The following SUGP1 variants were observed in gnomAD, a reference collection of about 807,000 sequenced individuals.
SUGP1 encodes the protein SURP and G-patch domain-containing protein 1.
In SUGP1, 34 loss-of-function variants were observed where a neutral mutation model predicts 76.5. The observed-to-expected ratio is 0.44, with a 90% CI of 0.34 to 0.59. SUGP1 has a LOEUF of 0.59. SUGP1 is among the 20% of genes least tolerant of loss of function. SUGP1 has a pLI of 0.01. For missense variants in SUGP1, 752 were observed against 851.7 expected, an observed-to-expected ratio of 0.88 and a Z score of 1.46; for synonymous variants, 326 against 326.2, an observed-to-expected ratio of 1.00 and a Z score of 0.01.
At chr19:19,277,667 G>A in intron 12 of SUGP1, 67 bp downstream of exon 12, 1 of 1,575,310 alleles carries the variant, frequency 6.3e-7, no homozygotes, top group South Asian at 1.1e-5. Flanking sequence ...GGGTGGGAAT[G>A]GGGAGGCGGC....
At chr19:19,285,655 TCC>T (rs2061133872) in intron 8 of SUGP1, among the ~76,000 whole-genome samples, 1 of 152,106 alleles carries the variant, frequency 6.6e-6, no homozygotes, top group Non-Finnish European at 1.5e-5. Context: ...AGCCTCAATC[TCC>T]CAGGCTCAAG....
chr19:19,297,423 C>A, intron 7 of SUGP1, 79 bp from the exon 8 acceptor site: 1 of 1,198,900 alleles, frequency 8.3e-7, no homozygotes, highest in Non-Finnish European at 1.2e-6. Context: ...GCAGTTCTGG[C>A]CTTGTGTGCC....
At chr19:19,319,275 G>GT (rs2146635681) in intron 1 of SUGP1, among the ~76,000 whole-genome samples, 1 of 152,154 alleles carries the variant, frequency 6.6e-6, no homozygotes, top group Admixed American at 6.6e-5. Flanking sequence ...CCGCCAGATG[G>GT]TTCCCCTCCC....
chr19:19,276,395 G>T lies in SUGP1; in HGVS notation c.*253C>A. ...AAAACAACTTTCTTCCTCCCCTCCA[G>T]TGCAACCCAGGCTGAGCGGGGATGG... is the stretch of plus-strand genomic sequence containing the variant. On this transcript the variant is annotated 3_prime_UTR_variant, in exon 14 of 14. Coordinates refer to ENST00000247001, the MANE Select transcript of SUGP1 (RefSeq NM_172231.4). 1 of 489,986 alleles carries T rather than the reference G, an allele frequency of 2.0e-6. No individual in the cohort carries two copies. Among genetic ancestry groups the T allele is most frequent in the Admixed American group, 3.5e-5 (1 of 28,404 alleles). 30.4% of individuals were successfully genotyped at this position (489,986 alleles called of 1,614,324 possible).
Position 19,320,469 on chromosome 19 carries a change from C to T in SUGP1, c.28G>A (p.Val10Ile), listed in dbSNP as rs1170881341. Residue 10 changes from valine (V) to isoleucine (I), a missense_variant, in exon 1 of 14, where the codon GTT becomes ATT. Val to Ile is a conservative substitution (Grantham distance 29). This residue lies in a region of SUGP1 where 620 missense variants were observed against 617.3 expected (regional missense o/e 1.00). Transcript: ENST00000247001. MSLKMDNRD[V>I]AGKANRWFGV... is the part of the protein sequence containing the mutation. ...AGGAGGCGGGGGCTGTTACCTGCAA[C>T]ATCCCGGTTGTCCATCTTGAGACTC... 21 of 1,610,702 alleles carry T rather than the reference C, an allele frequency of 1.3e-5. No homozygotes were observed. Among genetic ancestry groups the T allele is most frequent in the South Asian group, 2.2e-5 (2 of 89,854 alleles).
intron 2 of SUGP1, among the ~76,000 whole-genome samples, chr19:19,314,828 A>G (rs1293721985): frequency 2.6e-5 from 4 of 151,830 alleles, no homozygotes; most frequent in Non-Finnish European, 4.4e-5. Context: ...TGAGGTCAGG[A>G]GTTTGAGACC....
At chr19:19,287,852 A>C (rs1436940137) in intron 8 of SUGP1, among the ~76,000 whole-genome samples, 1 of 152,186 alleles carries the variant, frequency 6.6e-6, no homozygotes, top group African/African-American at 2.4e-5. Context: ...ATTTTTAGGG[A>C]AATGAAAAAG....
chr19:19,314,328 A>T (rs1160028921), intron 2 of SUGP1, among the ~76,000 whole-genome samples: 3 of 151,622 alleles, frequency 2.0e-5, no homozygotes, highest in African/African-American at 4.8e-5. Context: ...TCTCAAAAAT[A>T]AATAAATTAA....
chr19:19,292,953 C>G (rs2061197325), intron 8 of SUGP1, among the ~76,000 whole-genome samples: 4 of 151,996 alleles, frequency 2.6e-5, no homozygotes, highest in African/African-American at 4.8e-5. Flanking sequence ...GTTGCCCAGG[C>G]TGGAGTGCAG....
chr19:19,317,808 CTTTT>C (rs781257871), intron 1 of SUGP1, among the ~76,000 whole-genome samples: 3 of 110,588 alleles, frequency 2.7e-5, no homozygotes, highest in Admixed American at 1.0e-4. Context: ...GCCCCAGTGG[CTTTT>C]TTTTTTTTTT....
intron 7 of SUGP1, 44 bp from the exon 8 acceptor site, chr19:19,297,388 G>A (rs765568938): frequency 8.0e-7 from 1 of 1,245,200 alleles, no homozygotes; most frequent in Non-Finnish European, 1.1e-6. Flanking sequence ...TGGGCCCGAG[G>A]CCCTGTCCCT....
intron 7 of SUGP1, among the ~76,000 whole-genome samples, chr19:19,299,618 G>A (rs1210192035): frequency 1.3e-5 from 2 of 150,282 alleles, no homozygotes; most frequent in East Asian, 2.0e-4. Context: ...TCCTGACCTC[G>A]TGATCCACCC....
chr19:19,277,868 C>T lies in SUGP1; in HGVS notation c.1647G>A (p.Glu549=). ...ACTCCTTGTACTCTGAGTAGTCAGG[C>T]TCACGGCCCTCCTGCAAGGTGAGGA... ...ETFKALKEGR[E]PDYSEYKEFK... Residue 549 remains glutamate, a synonymous_variant, in exon 12 of 14, where the codon GAG becomes GAA. Coordinates refer to ENST00000247001, the MANE Select transcript of SUGP1 (RefSeq NM_172231.4). 1 of 1,613,834 alleles carries T rather than the reference C, an allele frequency of 6.2e-7. No homozygotes were observed. Among genetic ancestry groups the T allele is most frequent in the Non-Finnish European group, 8.5e-7 (1 of 1,179,922 alleles).
Position 19,297,047 on chromosome 19 carries a change from C to A in SUGP1, c.1185G>T (p.Glu395Asp). ...TCTGCACCAGTTCAGCAGGTGGGAGCTCTACCTTATCCTCTTCAGGCCCCC... is the reference window on the plus strand; with the variant it reads ...TCTGCACCAGTTCAGCAGGTGGGAGATCTACCTTATCCTCTTCAGGCCCCC... ...SRWGPEEDKV[E>D]LPPAELVQRD... The change falls in exon 8 of 14, where the codon GAG becomes GAT. Residue 395 changes from glutamate (E) to aspartate (D), a missense_variant. Coordinates refer to ENST00000247001, the MANE Select transcript of SUGP1 (RefSeq NM_172231.4). 1 of 1,609,868 alleles carries A rather than the reference C, an allele frequency of 6.2e-7. No homozygotes were observed. Among genetic ancestry groups the A allele is most frequent in the Non-Finnish European group, 8.5e-7 (1 of 1,177,824 alleles).
intron 1 of SUGP1, among the ~76,000 whole-genome samples, chr19:19,320,011 T>C (rs1299029218): frequency 6.6e-6 from 1 of 152,110 alleles, no homozygotes; most frequent in Non-Finnish European, 1.5e-5. Flanking sequence ...AGGCCAAGGC[T>C]TGCAGCAAAG....
chr19:19,294,590 C>A (rs2061210874), intron 8 of SUGP1, among the ~76,000 whole-genome samples: 1 of 150,012 alleles, frequency 6.7e-6, no homozygotes, highest in Non-Finnish European at 1.5e-5. Context: ...GTAGGAAACA[C>A]AGGGGTAAAT....
intron 2 of SUGP1, among the ~76,000 whole-genome samples, chr19:19,310,610 G>A (rs1029654317): frequency 6.6e-6 from 1 of 152,110 alleles, no homozygotes; most frequent in African/African-American, 2.4e-5. Context: ...TTCCAAGGCA[G>A]GGCCTACATG....
chr19:19,302,163 T>C, intron 7 of SUGP1, 102 bp downstream of exon 7: 1 of 1,530,640 alleles, frequency 6.5e-7, no homozygotes, highest in East Asian at 2.3e-5. Context: ...CTTCTCACAG[T>C]GGGACCCCAG....
intron 3 of SUGP1, among the ~76,000 whole-genome samples, chr19:19,308,694 G>A (rs2061333548): frequency 6.6e-6 from 1 of 152,236 alleles, no homozygotes; most frequent in South Asian, 2.1e-4. Flanking sequence ...CACCCCTGCT[G>A]GTGGGTTCAA....
Sources: allele counts gnomAD v4.1 joint callset (sites outside exome capture counted in the v4.1 genomes callset), GRCh38; gene constraint gnomAD v4.1.1; regional missense constraint gnomAD v4.1.1; transcripts MANE v1.5; gene names NCBI Gene and HGNC (gene_info 2026-07-23, HGNC 2026-07-21).